STK36: variants seen among roughly 807,000 people sequenced by gnomAD.
The protein encoded by STK36 is serine/threonine-protein kinase 36.
In STK36, 116 loss-of-function variants were observed where a neutral mutation model predicts 142.2. The ratio of observed to expected loss-of-function variants is 0.82; its 90% CI spans 0.70 to 0.95. The LOEUF (loss-of-function observed/expected upper bound fraction) is 0.95. Ranked by LOEUF, STK36 falls within the 40% of genes least tolerant of loss-of-function variation. The pLI, the probability that STK36 is intolerant of heterozygous loss-of-function variation, is 0.00. For missense variants in STK36, 1,422 were observed against 1,617.2 expected (o/e 0.88, Z 2.07); for synonymous variants, 619 against 641.7 (o/e 0.96, Z 0.53).
At chr2:218,698,564 T>C in intron 25 of STK36, 38 bp from the exon 26 acceptor site, 1 of 1,594,204 alleles carries the variant, frequency 6.3e-7, no homozygotes, top group Non-Finnish European at 8.6e-7. Flanking sequence ...GCATATACTC[T>C]CTCTCTCCCT....
intron 22 of STK36, 73 bp downstream of exon 22, chr2:218,696,674 G>A: frequency 6.7e-7 from 1 of 1,497,102 alleles, no homozygotes; most frequent in South Asian, 1.1e-5. Context: ...CTCTGGACCA[G>A]AGGAATGAAG....
At position 218,672,589 on chromosome 2, in the gene STK36, A is replaced by G. The variant is rs564385990; in HGVS notation, c.-89-152A>G. 3.3e-5 allele frequency among the ~76,000 whole-genome samples: 5 copies of G among 152,254 alleles called. No homozygotes were observed. The South Asian group carries it at 1.0e-3, about 32-fold the overall frequency. On this transcript the variant is annotated intron_variant, in intron 1 of 26. Coordinates refer to ENST00000295709, the MANE Select transcript of STK36 (RefSeq NM_015690.5). ...GCCGGGTTGGGGACAGGAGGATGAA[A>G]GTGGGGAGGAACTACAAAGAGAAGC...
At chr2:218,695,862 CT>C (rs34836020) in intron 21 of STK36, among the ~76,000 whole-genome samples, 5,919 of 99,970 alleles carry the variant, frequency 0.059, 88 homozygotes, top group African/African-American at 0.086. Context: ...ATGTAGAATT[CT>C]TTTTTTTTTT....
Position 218,680,639 on chromosome 2 carries a change from C to G in STK36, c.1173C>G (p.Phe391Leu). 6.2e-7 allele frequency: 1 copy of G among 1,613,628 alleles called. No individual in the cohort carries two copies. Among genetic ancestry groups the G allele is most frequent in the Non-Finnish European group, 8.5e-7 (1 of 1,179,886 alleles). The change falls in exon 10 of 27, where the codon TTC becomes TTG. Residue 391 changes from phenylalanine to leucine, a missense_variant. Phe to Leu is a conservative substitution (Grantham distance 22). Around this residue, in one of 2 missense-constraint regions of STK36, gnomAD observed 962 missense variants for 1,167.5 expected, o/e 0.82. Coordinates refer to ENST00000295709, the MANE Select transcript of STK36 (RefSeq NM_015690.5). ...NRTTPDCERA[F>L]PEERPEVLGQ... Reference sequence around the variant, plus strand: ...CCACCCCAGATTGTGAACGAGCATTCCCAGAGGAGAGGCCAGAGGTGCTGG... The same window carrying G: ...CCACCCCAGATTGTGAACGAGCATTGCCAGAGGAGAGGCCAGAGGTGCTGG...
chr2:218,675,923 A>G, intron 5 of STK36, 106 bp from the exon 6 acceptor site: 2 of 1,454,196 alleles, frequency 1.4e-6, no homozygotes, highest in East Asian at 2.3e-5. Context: ...GAACCTAATC[A>G]AAGGTGCTCC....
At chr2:218,672,670 T>C in intron 1 of STK36, 71 bp from the exon 2 acceptor site, 1 of 636,272 alleles carries the variant, frequency 1.6e-6, no homozygotes, top group Non-Finnish European at 2.8e-6. Flanking sequence ...CCCATGTTTT[T>C]TGAGGCTTTA....
chr2:218,691,714 C>T (rs1215012548), intron 14 of STK36, among the ~76,000 whole-genome samples: 1 of 152,062 alleles, frequency 6.6e-6, no homozygotes, highest in Non-Finnish European at 1.5e-5. Context: ...CACCACCAGA[C>T]CTGGCTATTT....
chr2:218,697,669 G>T (rs1941289109), intron 24 of STK36, 59 bp downstream of exon 24: 2 of 1,607,192 alleles, frequency 1.2e-6, no homozygotes, highest in African/African-American at 1.3e-5. Flanking sequence ...AAAGAAGAAG[G>T]CAGGAAAGAA....
chr2:218,677,582 A>C (rs1940313556), intron 6 of STK36, among the ~76,000 whole-genome samples: 2 of 152,212 alleles, frequency 1.3e-5, no homozygotes, highest in Admixed American at 6.5e-5. Context: ...GTCCTCTTAC[A>C]TGCCATCTAT....
rs1231480623 is a variant in STK36 at position 218,684,382 on chromosome 2, TG to T, written c.1237-700del. The stretch of plus-strand genomic sequence containing the variant: ...TGCCTGCCTCAGCCTCCCAAAGTGC[TG>T]GGATTATAGGCGTGAGCTACTGCGC... On this transcript the variant is annotated intron_variant, in intron 10 of 26. Coordinates refer to ENST00000295709, the MANE Select transcript of STK36 (RefSeq NM_015690.5). Among the ~76,000 whole-genome samples the T allele has an allele frequency of 2.1e-5, 3 of 145,844 alleles. No homozygotes were observed. In the East Asian group the frequency reaches 6.2e-4, roughly 30 times the overall value.
intron 26 of STK36, among the ~76,000 whole-genome samples, chr2:218,701,407 G>A (rs568384559): frequency 1.3e-5 from 2 of 151,946 alleles, no homozygotes; most frequent in East Asian, 3.9e-4. Context: ...CCCAAAGTAC[G>A]GGATTACAGG....
chr2:218,688,695 A>T lies in STK36; in HGVS notation c.1381-2A>T. The T allele has an allele frequency of 6.2e-7, 1 of 1,611,446 alleles. No homozygotes were observed. Among genetic ancestry groups the T allele is most frequent in the Non-Finnish European group, 8.5e-7 (1 of 1,178,988 alleles). On this transcript the variant is annotated splice_acceptor_variant, in intron 11 of 26. Transcript: ENST00000295709. LOFTEE classifies it high-confidence loss of function. ...GTTGCCTCTTTCCCTCATGTCACCCAGATCCTGAAAGGCATCTTGGAGGGT... is the reference window on the plus strand; with the variant it reads ...GTTGCCTCTTTCCCTCATGTCACCCTGATCCTGAAAGGCATCTTGGAGGGT...
rs751292006 is a variant in STK36 at position 218,699,399 on chromosome 2, A to C, written c.3804+51A>C. The stretch of plus-strand genomic sequence containing the variant: ...ATGATGATCAGGGCCCCTATAGTTG[A>C]CAACATTTCTCTGAGATCATCTGTA... On this transcript the variant is annotated intron_variant, in intron 26 of 26. Coordinates refer to ENST00000295709, the MANE Select transcript of STK36 (RefSeq NM_015690.5). 4 of 1,565,566 alleles carry C rather than the reference A, an allele frequency of 2.6e-6. No individual in the cohort carries two copies. In the South Asian group the frequency reaches 4.8e-5, roughly 19 times the overall value.
intron 14 of STK36, among the ~76,000 whole-genome samples, chr2:218,691,677 T>C (rs924580787): frequency 1.3e-5 from 2 of 152,136 alleles, no homozygotes; most frequent in Non-Finnish European, 2.9e-5. Context: ...CATCTCGGCC[T>C]CTTGAGTAGC....
chr2:218,680,379 A>T (rs12471178), intron 9 of STK36, among the ~76,000 whole-genome samples: 2,410 of 152,356 alleles, frequency 0.016, 35 homozygotes, highest in South Asian at 0.059. Flanking sequence ...TGAAAACTGC[A>T]AAGTAGAATA....
Position 218,685,072 on chromosome 2 carries a change from C to T in STK36, c.1237-13C>T, listed in dbSNP as rs1940716899. On this transcript the variant is annotated splice_polypyrimidine_tract_variant and intron_variant, in intron 10 of 26. Transcript: ENST00000295709. ...ACACTACTCCTGACCCCTTTCACTC[C>T]CCTCTGCCTCAGGAGCCAGACAGTG... 6.2e-7 allele frequency: 1 copy of T among 1,613,826 alleles called. No individual in the cohort carries two copies. The highest frequency in any genetic ancestry group is 8.5e-7 in the Non-Finnish European group (1 of 1,179,896).
chr2:218,697,495 A>ACCTTTACC lies in STK36; in HGVS notation c.2796_2803dup (p.Gln935ProfsTer10), dbSNP rs1559345093. The ACCTTTACC allele has an allele frequency of 6.2e-7, 1 of 1,614,152 alleles. No homozygotes were observed. ...AGCCCTGCTGAGCCTGGCCATGGCC[A>ACCTTTACC]CCTTTACCCAGGAGCCCCAGTTATG... is the stretch of plus-strand genomic sequence containing the variant. On this transcript the variant is annotated frameshift_variant, in exon 24 of 27. Coordinates refer to ENST00000295709, the MANE Select transcript of STK36 (RefSeq NM_015690.5). LOFTEE classifies it high-confidence loss of function.
rs535121915 is a variant in STK36 at position 218,679,203 on chromosome 2, G to A, written c.720G>A (p.Arg240=). The change falls in exon 7 of 27, where the codon CGG becomes CGA. Residue 240 remains arginine, a synonymous_variant. Coordinates refer to ENST00000295709, the MANE Select transcript of STK36 (RefSeq NM_015690.5). ...FLQGLLTKDP[R]QRLSWPDLLY... ...AGGGACTGCTCACCAAAGACCCACG[G>A]CAGCGACTGTCCTGGCCAGACCTCT... 8.1e-6 allele frequency: 13 copies of A among 1,614,138 alleles called. No individual in the cohort carries two copies. The South Asian group carries it at 1.4e-4, about 18-fold the overall frequency.
chr2:218,673,709 G>A lies in STK36; in HGVS notation c.169G>A (p.Gly57Ser). ...NLQREIEIMR[G>S]LRHPNIVHML... ...GCAACGAGAGATTGAAATAATGCGGGGTCTGCGGCATCCCAACATTGTGCA... is the reference window on the plus strand; with the variant it reads ...GCAACGAGAGATTGAAATAATGCGGAGTCTGCGGCATCCCAACATTGTGCA... Residue 57 changes from glycine to serine, a missense_variant, in exon 3 of 27, where the codon GGT becomes AGT. Physicochemically the swap from Gly to Ser is moderately conservative, Grantham distance 56. Around this residue, in one of 2 missense-constraint regions of STK36, gnomAD observed 460 missense variants for 449.6 expected, o/e 1.02. Coordinates refer to ENST00000295709, the MANE Select transcript of STK36 (RefSeq NM_015690.5). 1 of 1,614,138 alleles carries A rather than the reference G, an allele frequency of 6.2e-7. No homozygotes were observed. The highest frequency in any genetic ancestry group is 1.6e-4 in the Middle Eastern group (1 of 6,062).
Sources: gnomAD v4.1 joint callset for allele counts (sites outside exome capture counted in the v4.1 genomes callset) on GRCh38, gnomAD v4.1.1 for gene constraint, gnomAD v4.1.1 regional missense constraint, MANE v1.5 for transcripts, NCBI Gene and HGNC (gene_info 2026-07-23, HGNC 2026-07-21) for gene names.